Variants in STK32C observed in about 807,000 individuals in gnomAD.
STK32C encodes the protein serine/threonine kinase 32C.
A neutral mutation model predicts 56.5 loss-of-function variants in STK32C; 31 were observed. The observed-to-expected ratio is 0.55, with a 90% CI of 0.41 to 0.74. The LOEUF is 0.74. STK32C is among the 30% of genes least tolerant of loss of function. The pLI is 0.00. For synonymous variants in STK32C, 309 were observed against 289.4 expected, an observed-to-expected ratio of 1.07 and a Z score of -0.69; for missense variants, 544 against 676.9, an observed-to-expected ratio of 0.80 and a Z score of 2.18.
downstream of STK32C, among the ~76,000 whole-genome samples, chr10:132,321,786 A>G (rs562271957): frequency 1.6e-4 from 24 of 152,190 alleles, no homozygotes; most frequent in Non-Finnish European, 2.6e-4. Context: ...TTGAGGCTGT[A>G]AGATGCTTCC....
rs74356375 is a variant in STK32C, at chr10:132,221,344, C to T, written c.1251+1297G>A. Among the ~76,000 whole-genome samples the T allele has an allele frequency of 1.1e-3, 159 of 147,838 alleles. 1 individual carries two copies. The East Asian group carries it at 0.018, about 17-fold the overall frequency. On this transcript the variant is annotated intron_variant, in intron 10 of 11. Coordinates refer to ENST00000298630, the MANE Select transcript of STK32C (RefSeq NM_173575.4). ...TCCCCACACACACAACTGATGCTGA[C>T]GCACCTGGGCGAGTGTGAGGGCTTC... is the stretch of plus-strand genomic sequence containing the variant.
chr10:132,308,051 G>A, upstream of STK32C: 2 of 739,404 alleles, frequency 2.7e-6, no homozygotes, highest in African/African-American at 2.0e-5. Context: ...GGAAGGGGTC[G>A]AGGCGGAGCT....
At chr10:132,321,299 C>A (rs2066403130), downstream of STK32C, among the ~76,000 whole-genome samples, 1 of 152,158 alleles carries the variant, frequency 6.6e-6, no homozygotes, top group South Asian at 2.1e-4. Context: ...CCCAGCCAAG[C>A]CCAGCCAAGC....
chr10:132,240,354 G>A (rs1157561438), intron 2 of STK32C, among the ~76,000 whole-genome samples: 2 of 152,182 alleles, frequency 1.3e-5, no homozygotes, highest in Non-Finnish European at 2.9e-5. Context: ...CACATGGCAG[G>A]GTGGTCCTAC....
At chr10:132,282,092 C>A (rs964541097) in intron 1 of STK32C, among the ~76,000 whole-genome samples, 9 of 152,326 alleles carry the variant, frequency 5.9e-5, no homozygotes, top group African/African-American at 2.2e-4. Context: ...GGGGTGGGGG[C>A]GACAGGTGCT....
intron 1 of STK32C, among the ~76,000 whole-genome samples, chr10:132,278,920 G>A (rs1309207544): frequency 6.6e-6 from 1 of 152,174 alleles, no homozygotes; most frequent in Non-Finnish European, 1.5e-5. Flanking sequence ...GGCCACTCAT[G>A]GTACAAGAGT....
At chr10:132,208,574 G>A (rs1350034039) in intron 11 of STK32C, among the ~76,000 whole-genome samples, 3 of 152,158 alleles carry the variant, frequency 2.0e-5, no homozygotes, top group Non-Finnish European at 4.4e-5. Context: ...TCCTTGCCCC[G>A]TGCGGGCAGA....
chr10:132,214,603 G>A (rs1031155306), intron 10 of STK32C, among the ~76,000 whole-genome samples: 3 of 152,220 alleles, frequency 2.0e-5, no homozygotes, highest in African/African-American at 7.2e-5. Flanking sequence ...ATGAATAGAG[G>A]TAAAATGAAA....
chr10:132,293,170 CA>C (rs969219083), intron 1 of STK32C, among the ~76,000 whole-genome samples: 13 of 152,200 alleles, frequency 8.5e-5, no homozygotes, highest in African/African-American at 3.1e-4. Flanking sequence ...GGCCTGGGGC[CA>C]GGGGGCTGGG....
intron 2 of STK32C, among the ~76,000 whole-genome samples, chr10:132,235,795 G>C (rs2063267009): frequency 6.6e-6 from 1 of 152,208 alleles, no homozygotes; most frequent in Non-Finnish European, 1.5e-5. Context: ...GACATTCACA[G>C]ACACTGGGAG....
chr10:132,240,046 A>T (rs1381324591), intron 2 of STK32C, among the ~76,000 whole-genome samples: 1 of 152,214 alleles, frequency 6.6e-6, no homozygotes, highest in Non-Finnish European at 1.5e-5. Flanking sequence ...TGGAGCTGCC[A>T]TCCTGGTGGC....
At chr10:132,310,744 G>T (rs1050876654), upstream of STK32C, among the ~76,000 whole-genome samples, 1 of 152,228 alleles carries the variant, frequency 6.6e-6, no homozygotes, top group African/African-American at 2.4e-5. This position sits in a 1 kb window ranked among gnomAD's most constrained non-coding sequence, Gnocchi z 4.6. Flanking sequence ...GTGCACTGAC[G>T]TCTAGCACGC....
In STK32C at chr10:132,228,353, C is replaced by T. The variant is rs533842053; in HGVS notation, c.319-225G>A. ...GATTAAGATGTGGGTGTTTTGGAGG[C>T]CGTGATTCTGCCCCCCAGAGGTTCC... On this transcript the variant is annotated intron_variant, in intron 2 of 11. Coordinates refer to ENST00000298630, the MANE Select transcript of STK32C (RefSeq NM_173575.4). Among the ~76,000 whole-genome samples the T allele has an allele frequency of 4.9e-4, 74 of 152,252 alleles. 1 individual carries two copies. The South Asian group carries it at 0.015, about 31-fold the overall frequency.
chr10:132,263,504 G>C (rs1006988762), intron 1 of STK32C, among the ~76,000 whole-genome samples: 1 of 152,002 alleles, frequency 6.6e-6, no homozygotes, highest in African/African-American at 2.4e-5. Flanking sequence ...TCAGTGCTTG[G>C]GTGACAGGAT....
At position 132,286,517 on chromosome 10, in the gene STK32C, T is replaced by C. The variant is rs1036091505; in HGVS notation, c.262+21055A>G. On this transcript the variant is annotated intron_variant, in intron 1 of 11. Coordinates refer to ENST00000298630, the MANE Select transcript of STK32C (RefSeq NM_173575.4). ...CCAATATCCCTAATGAACACAGATG[T>C]AAAAATTATTAATGAAATATTGGAA... Among the ~76,000 whole-genome samples, 3 of 152,108 alleles carry C rather than the reference T, an allele frequency of 2.0e-5. No individual in the cohort carries two copies. In the South Asian group the frequency reaches 6.2e-4, roughly 32 times the overall value.
chr10:132,253,066 C>G (rs2063963747), intron 1 of STK32C, among the ~76,000 whole-genome samples: 1 of 152,228 alleles, frequency 6.6e-6, no homozygotes, highest in African/African-American at 2.4e-5. Context: ...AGCGCTAAGC[C>G]CAGCACCCAG....
At chr10:132,217,892 T>C (rs773987288) in intron 10 of STK32C, among the ~76,000 whole-genome samples, 3 of 152,188 alleles carry the variant, frequency 2.0e-5, no homozygotes, top group Non-Finnish European at 2.9e-5. Flanking sequence ...GACTCAGGTA[T>C]GCCTTTATTA....
chr10:132,238,872 T>C (rs772595286), intron 2 of STK32C, among the ~76,000 whole-genome samples: 7 of 152,010 alleles, frequency 4.6e-5, no homozygotes, highest in African/African-American at 1.7e-4. Flanking sequence ...CACACGTTCA[T>C]GTACACAGGT....
intron 1 of STK32C, among the ~76,000 whole-genome samples, chr10:132,288,180 G>A (rs559597431): frequency 1.1e-4 from 16 of 152,164 alleles, no homozygotes; most frequent in African/African-American, 3.4e-4. Flanking sequence ...AGGGAGGGAA[G>A]AAGAGGGGAA....
Sources: allele counts gnomAD v4.1 joint callset (sites outside exome capture counted in the v4.1 genomes callset), GRCh38; gene constraint gnomAD v4.1.1; non-coding constraint Gnocchi (gnomAD v3.1); transcripts MANE v1.5; gene names NCBI Gene and HGNC (gene_info 2026-07-23, HGNC 2026-07-21).